Variants in PSME4 observed in about 807,000 individuals in gnomAD.
PSME4 encodes the protein proteasome activator subunit 4, also known as proteasome activator complex subunit 4.
Under a neutral mutation model 253.9 loss-of-function variants are expected in PSME4, and 89 were observed. That is an observed-to-expected ratio of 0.35 (90% confidence interval 0.30 to 0.42). PSME4 has a LOEUF of 0.42. PSME4 is among the 10% of genes least tolerant of loss of function. The pLI, the probability that PSME4 is intolerant of heterozygous loss-of-function variation, is 1.00. For synonymous variants in PSME4, 851 were observed against 759.2 expected, an observed-to-expected ratio of 1.12 and a Z score of -1.99; for missense variants, 2,014 against 2,195.2, an observed-to-expected ratio of 0.92 and a Z score of 1.65.
intron 40 of PSME4, among the ~76,000 whole-genome samples, chr2:53,886,892 G>C (rs1218305532): frequency 6.6e-6 from 1 of 152,144 alleles, no homozygotes; most frequent in Non-Finnish European, 1.5e-5. Context: ...TATGTAACAT[G>C]AAATAAGCCA....
intron 44 of PSME4, among the ~76,000 whole-genome samples, chr2:53,868,558 ATATATAATATATAT>A (rs1208048242): frequency 1.3e-5 from 1 of 77,710 alleles, no homozygotes; most frequent in African/African-American, 4.9e-5. Context: ...TATTTATAAT[ATATATAATATATAT>A]TATAAAATAT....
At chr2:53,867,501 GGAAAA>G (rs1678623620) in intron 44 of PSME4, among the ~76,000 whole-genome samples, 2 of 113,442 alleles carry the variant, frequency 1.8e-5, no homozygotes, top group African/African-American at 3.4e-5. Flanking sequence ...TCCGTCTCAA[GGAAAA>G]AAAAAAAAAA....
intron 20 of PSME4, among the ~76,000 whole-genome samples, chr2:53,916,036 T>C (rs1454820006): frequency 2.0e-5 from 3 of 151,914 alleles, no homozygotes; most frequent in African/African-American, 4.8e-5. Context: ...GATAGTGCCA[T>C]TGTACTCTAG....
Position 53,942,483 on chromosome 2 carries a change from G to A in PSME4, c.501-2483C>T, listed in dbSNP as rs115695335. On this transcript the variant is annotated intron_variant, in intron 3 of 46. Coordinates refer to ENST00000404125, the MANE Select transcript of PSME4 (RefSeq NM_014614.3). ...CAGGTTGAAAAAGAAAGCCACAGTA[G>A]TGCATATAATGGTTTACAGTTTGGC... 4.2e-3 allele frequency among the ~76,000 whole-genome samples: 641 copies of A among 152,028 alleles called. 7 individuals carry two copies. Among genetic ancestry groups the A allele is most frequent in the African/African-American group, 0.015 (612 of 41,482 alleles).
intron 3 of PSME4, among the ~76,000 whole-genome samples, chr2:53,940,932 C>CATATTTAAATATATAT (rs1362984314): frequency 3.3e-5 from 2 of 59,742 alleles, no homozygotes; most frequent in Admixed American, 2.5e-4. Context: ...ATATATAATA[C>CATATTTAAATATATAT]ATATATAAAT....
rs1004576854 is a variant in PSME4, at chr2:53,887,851, T to C, written c.4520+7A>G. On this transcript the variant is annotated splice_region_variant and intron_variant, in intron 39 of 46. Coordinates refer to ENST00000404125, the MANE Select transcript of PSME4 (RefSeq NM_014614.3). ...GAGAGGTACACCACAGAGAAAACAG[T>C]ACCTACCTTCCTATTCTTTCTCTGA... The C allele has an allele frequency of 2.5e-6, 4 of 1,589,248 alleles. No individual in the cohort carries two copies. The highest frequency in any genetic ancestry group is 2.6e-6 in the Non-Finnish European group (3 of 1,158,736).
At chr2:53,900,856 G>C (rs1171776390) in intron 28 of PSME4, among the ~76,000 whole-genome samples, 1 of 152,100 alleles carries the variant, frequency 6.6e-6, no homozygotes, top group Non-Finnish European at 1.5e-5. Flanking sequence ...CATGTTCTGA[G>C]GGAGTATAAA....
chr2:53,881,812 G>C (rs1248108622), intron 41 of PSME4, among the ~76,000 whole-genome samples: 1 of 151,990 alleles, frequency 6.6e-6, no homozygotes, highest in Non-Finnish European at 1.5e-5. Flanking sequence ...TCAAACTCCC[G>C]ATCTCAAGTG....
intron 1 of PSME4, among the ~76,000 whole-genome samples, chr2:53,970,155 A>T (rs1670985607): frequency 6.6e-6 from 1 of 152,144 alleles, no homozygotes; most frequent in African/African-American, 2.4e-5. Flanking sequence ...GAACTCCCCC[A>T]AAGACAAATT....
At chr2:53,970,314 C>T (rs932532457) in intron 1 of PSME4, among the ~76,000 whole-genome samples, 2 of 152,140 alleles carry the variant, frequency 1.3e-5, no homozygotes, top group African/African-American at 4.8e-5. Context: ...GAAGCAGATG[C>T]GGAGGACGTA....
chr2:53,962,240 T>C lies in PSME4; in HGVS notation c.242+8303A>G, dbSNP rs143122665. On this transcript the variant is annotated intron_variant, in intron 1 of 46. Coordinates refer to ENST00000404125, the MANE Select transcript of PSME4 (RefSeq NM_014614.3). ...AAGTTACTATTTATTCCTAATTAGATGGGGAGGAAAGTCTTTGAAGAGGAA... is the reference window on the plus strand; with the variant it reads ...AAGTTACTATTTATTCCTAATTAGACGGGGAGGAAAGTCTTTGAAGAGGAA... 9.1e-3 allele frequency among the ~76,000 whole-genome samples: 1,387 copies of C among 152,138 alleles called. 13 individuals are homozygous for C. The highest frequency in any genetic ancestry group is 0.02 in the African/African-American group (845 of 41,494).
At chr2:53,878,894 A>G (rs1397471439) in intron 41 of PSME4, among the ~76,000 whole-genome samples, 2 of 152,078 alleles carry the variant, frequency 1.3e-5, no homozygotes, top group Non-Finnish European at 2.9e-5. Flanking sequence ...GTGATATTTT[A>G]TTACCTTGGG....
rs186614449 is a variant in PSME4 at position 53,928,376 on chromosome 2, T to C, written c.1317-73A>G. ...TAATACCATAATACATTAAATATAA[T>C]AAATTCATAAACTGCACTTTGACTT... On this transcript the variant is annotated intron_variant, in intron 10 of 46. Coordinates refer to ENST00000404125, the MANE Select transcript of PSME4 (RefSeq NM_014614.3). 4.6e-4 allele frequency: 550 copies of C among 1,185,830 alleles called. 4 individuals carry two copies. In the African/African-American group the frequency reaches 7.6e-3, roughly 16 times the overall value. The allele number at this position is 1,185,830 out of a possible 1,614,324, so 73.5% of individuals were successfully genotyped here.
chr2:53,958,327 G>C (rs2104485068), intron 1 of PSME4, among the ~76,000 whole-genome samples: 1 of 151,798 alleles, frequency 6.6e-6, no homozygotes, highest in Non-Finnish European at 1.5e-5. Context: ...CTACACTCCA[G>C]GCTGGGCCAC....
rs1174203331 is a variant in PSME4 at position 53,897,174 on chromosome 2, T to TG, written c.3607-290_3607-289insC. Among the ~76,000 whole-genome samples, 493 of 151,192 alleles carry TG rather than the reference T, an allele frequency of 3.3e-3. 1 individual carries two copies. The highest frequency in any genetic ancestry group is 0.012 in the African/African-American group (477 of 41,154). ...TCAAATCTTAGCCTCAGGGTTTTTT[T>TG]TTTTTTTTTTTTTGACAGAGTTTTC... On this transcript the variant is annotated intron_variant, in intron 31 of 46. Transcript: ENST00000404125.
intron 27 of PSME4, 80 bp from the exon 28 acceptor site, chr2:53,901,639 G>T: frequency 8.9e-7 from 1 of 1,118,726 alleles, no homozygotes; most frequent in Non-Finnish European, 1.3e-6. Flanking sequence ...CCTATGTATT[G>T]GTTTTAAATG....
chr2:53,897,034 A>T (rs1680170534), intron 31 of PSME4, 149 bp from the exon 32 acceptor site: 3 of 638,702 alleles, frequency 4.7e-6, no homozygotes, highest in Non-Finnish European at 5.6e-6. Context: ...GTGAGTGCTA[A>T]ATCTGACTTA....
At position 53,934,175 on chromosome 2, in the gene PSME4, T is replaced by C. The variant is rs993167800; in HGVS notation, c.957+430A>G. 2.0e-5 allele frequency among the ~76,000 whole-genome samples: 3 copies of C among 152,314 alleles called. No individual in the cohort carries two copies. In the East Asian group the frequency reaches 5.8e-4, roughly 29 times the overall value. On this transcript the variant is annotated intron_variant, in intron 8 of 46. Transcript: ENST00000404125. Reference sequence around the variant, plus strand: ...TTAATGATGTCAACAAAGTAATCCTTCACATCTCTCCCTTCACTAAGATTA... The same window carrying C: ...TTAATGATGTCAACAAAGTAATCCTCCACATCTCTCCCTTCACTAAGATTA...
chr2:53,904,107 T>C lies in PSME4; in HGVS notation c.2993A>G (p.Asn998Ser). 6.2e-7 allele frequency: 1 copy of C among 1,613,656 alleles called. No individual in the cohort carries two copies. Among genetic ancestry groups the C allele is most frequent in the Non-Finnish European group, 8.5e-7 (1 of 1,179,686 alleles). Reference protein sequence around the residue: ...QTFFAALGAYNFCCRDIIPLV... With the variant: ...QTFFAALGAYSFCCRDIIPLV... ...GGGAATGATATCTCTGCAACAGAAG[T>C]TATATGCTCCCAAGGCAGCAAAAAA... Residue 998 changes from asparagine to serine, a missense_variant, in exon 27 of 47, where the codon AAC becomes AGC. Coordinates refer to ENST00000404125, the MANE Select transcript of PSME4 (RefSeq NM_014614.3).
Sources: gnomAD v4.1 joint callset for allele counts (sites outside exome capture counted in the v4.1 genomes callset) on GRCh38, gnomAD v4.1.1 for gene constraint, MANE v1.5 for transcripts, NCBI Gene and HGNC (gene_info 2026-07-23, HGNC 2026-07-21) for gene names.